The following CLTC variants were observed in gnomAD, a reference collection of about 807,000 sequenced individuals.
CLTC encodes clathrin heavy chain 1.
CLTC carries 16 observed loss-of-function variants against 195.8 expected under a neutral mutation model. The observed-to-expected ratio is 0.08, with a 90% confidence interval of 0.06 to 0.12. The LOEUF is 0.12. CLTC is among the 10% of genes least tolerant of loss of function. The pLI, the probability that CLTC is intolerant of heterozygous loss-of-function variation, is 1.00. For missense variants in CLTC, 796 were observed against 2,027.0 expected, an observed-to-expected ratio of 0.39 and a Z score of 11.66; for synonymous variants, 667 against 689.4, an observed-to-expected ratio of 0.97 and a Z score of 0.51.
chr17:59,665,425 G>A (rs1174670122), intron 10 of CLTC, among the ~76,000 whole-genome samples: 1 of 152,088 alleles, frequency 6.6e-6, no homozygotes, highest in African/African-American at 2.4e-5. Flanking sequence ...AAAATACATG[G>A]GGATGATAAA....
intron 16 of CLTC, among the ~76,000 whole-genome samples, 180 bp from the exon 17 acceptor site, chr17:59,676,774 G>T (rs2032975282): frequency 6.6e-6 from 1 of 152,162 alleles, no homozygotes; most frequent in South Asian, 2.1e-4. Flanking sequence ...AGTGCACAAT[G>T]ATTGTGGCTG....
intron 1 of CLTC, among the ~76,000 whole-genome samples, chr17:59,621,997 TGTG>T (rs2031395421): frequency 6.6e-6 from 1 of 152,246 alleles, no homozygotes; most frequent in South Asian, 2.1e-4. Flanking sequence ...TACTAAATCT[TGTG>T]GTGGTTGGAG....
At chr17:59,680,858 C>CT in intron 18 of CLTC, 54 bp from the exon 19 acceptor site, 1 of 1,466,434 alleles carries the variant, frequency 6.8e-7, no homozygotes, top group Non-Finnish European at 9.1e-7. Flanking sequence ...CCAACTTACG[C>CT]TTTTTTAAAA....
chr17:59,679,987 C>T (rs1431482612), intron 18 of CLTC, among the ~76,000 whole-genome samples: 1 of 151,694 alleles, frequency 6.6e-6, no homozygotes. Context: ...GTGGAGGTTG[C>T]AGTAAGCCGA....
At chr17:59,691,326 A>T (rs938795557) in intron 31 of CLTC, among the ~76,000 whole-genome samples, 2 of 152,158 alleles carry the variant, frequency 1.3e-5, no homozygotes, top group African/African-American at 2.4e-5. Context: ...GAGGGAACAT[A>T]AAAATATGAC....
At chr17:59,621,133 CT>C (rs2031364108) in intron 1 of CLTC, among the ~76,000 whole-genome samples, 1 of 152,194 alleles carries the variant, frequency 6.6e-6, no homozygotes, top group Non-Finnish European at 1.5e-5. Context: ...CCCATGGTTC[CT>C]TATCCTGGAG....
intron 31 of CLTC, chr17:59,690,929 A>G (rs1349421937): frequency 4.8e-6 from 2 of 419,450 alleles, no homozygotes; most frequent in East Asian, 7.5e-5. Context: ...AAAAATAGTC[A>G]TTTAAAATCA....
In CLTC at chr17:59,693,761, G is replaced by C; in HGVS notation, c.4937G>C (p.Ser1646Thr). 6.2e-7 allele frequency: 1 copy of C among 1,613,840 alleles called. No homozygotes were observed. Among genetic ancestry groups the C allele is most frequent in the Non-Finnish European group, 8.5e-7 (1 of 1,179,842 alleles). Residue 1646 changes from serine to threonine, a missense_variant, in exon 32 of 32, where the codon AGT becomes ACT. Physicochemically the swap from Ser to Thr is moderately conservative, Grantham distance 58. Transcript: ENST00000269122. ...QPQLMLTAGPSVAVPPQAPFG... is the reference protein window; with the variant it reads ...QPQLMLTAGPTVAVPPQAPFG... ...CAGTTGATGCTGACAGCAGGACCCAGTGTTGCCGTCCCTCCCCAGGCACCT... is the reference window on the plus strand; with the variant it reads ...CAGTTGATGCTGACAGCAGGACCCACTGTTGCCGTCCCTCCCCAGGCACCT...
At chr17:59,659,635 A>G (rs2032562729) in intron 6 of CLTC, among the ~76,000 whole-genome samples, 1 of 151,342 alleles carries the variant, frequency 6.6e-6, no homozygotes, top group African/African-American at 2.4e-5. Context: ...TTTTTAGTAG[A>G]GGTGGGGTTT....
Position 59,681,193 on chromosome 17 carries a change from CTACCT to C in CLTC, c.3066-101_3066-97del. 1 of 1,451,542 alleles carries C rather than the reference CTACCT, an allele frequency of 6.9e-7. No homozygotes were observed. The highest frequency in any genetic ancestry group is 9.4e-7 in the Non-Finnish European group (1 of 1,067,356). The allele number at this position is 1,451,542 out of a possible 1,614,324, so 89.9% of individuals were successfully genotyped here. ...CTCTTCTAATATCCTCCCCCCTACC[CTACCT>C]CTTGAGACAAAAACCTCTCCGTTAG... On this transcript the variant is annotated intron_variant, in intron 19 of 31. Coordinates refer to ENST00000269122, the MANE Select transcript of CLTC (RefSeq NM_004859.4). This position sits in a 1 kb window ranked among gnomAD's most constrained non-coding sequence, Gnocchi z 5.0.
chr17:59,680,870 CA>C (rs1258017665), intron 18 of CLTC, 41 bp from the exon 19 acceptor site: 5 of 1,481,572 alleles, frequency 3.4e-6, no homozygotes, highest in South Asian at 1.5e-5. Context: ...TTTTTAAAAC[CA>C]ACTTGATTCT....
Position 59,682,466 on chromosome 17 carries a change from G to T in CLTC, c.3600+38G>T. 1 of 1,611,436 alleles carries T rather than the reference G, an allele frequency of 6.2e-7. No homozygotes were observed. Among genetic ancestry groups the T allele is most frequent in the Non-Finnish European group, 8.5e-7 (1 of 1,178,172 alleles). ...TTCAGATTTAAGAAAAACTAGTTGG[G>T]CTACTTGATTAGCTTGGTAGGATCA... On this transcript the variant is annotated intron_variant, in intron 22 of 31. Transcript: ENST00000269122. This position sits in a 1 kb window ranked among gnomAD's most constrained non-coding sequence, Gnocchi z 6.8.
intron 5 of CLTC, among the ~76,000 whole-genome samples, chr17:59,652,453 A>G (rs1040691440): frequency 1.9e-4 from 29 of 152,376 alleles, no homozygotes; most frequent in African/African-American, 6.5e-4. Context: ...TATTTCTTAA[A>G]TAAGAAGACT....
chr17:59,627,900 T>C (rs941883964), intron 1 of CLTC, among the ~76,000 whole-genome samples: 3 of 152,244 alleles, frequency 2.0e-5, no homozygotes, highest in Non-Finnish European at 2.9e-5. Context: ...TGTAAATTCA[T>C]GTTTTTGTGT....
intron 1 of CLTC, among the ~76,000 whole-genome samples, chr17:59,631,749 T>C (rs1270731916): frequency 3.3e-5 from 5 of 151,942 alleles, no homozygotes; most frequent in Non-Finnish European, 5.9e-5. Flanking sequence ...AGTAGGTGGA[T>C]TGCTTCAACC....
At chr17:59,621,546 A>G (rs1176946661) in intron 1 of CLTC, among the ~76,000 whole-genome samples, 1 of 152,240 alleles carries the variant, frequency 6.6e-6, no homozygotes, top group Non-Finnish European at 1.5e-5. Context: ...TTTCTTTGCA[A>G]GTATTACCAT....
At chr17:59,626,228 A>G (rs1229647783) in intron 1 of CLTC, among the ~76,000 whole-genome samples, 4 of 152,212 alleles carry the variant, frequency 2.6e-5, no homozygotes, top group African/African-American at 7.2e-5. Flanking sequence ...TGTTATTCCA[A>G]CCATTGATGT....
rs2032246954 is a variant in CLTC, at chr17:59,648,349, C to G, written c.629C>G (p.Ala210Gly). The G allele has an allele frequency of 6.2e-7, 1 of 1,614,058 alleles. No homozygotes were observed. ...GCACAGTTTAAGATGGAAGGAAATG[C>G]AGAAGAATCAACGTTATTTTGTTTT... ...SFAQFKMEGN[A>G]EESTLFCFAV... Residue 210 changes from alanine to glycine, a missense_variant, in exon 4 of 32, where the codon GCA (alanine) becomes GGA (glycine). Physicochemically the swap from Ala to Gly is moderately conservative, Grantham distance 60. Around this residue, in one of 9 missense-constraint regions of CLTC, gnomAD observed 293 missense variants for 795.6 expected, o/e 0.37. Coordinates refer to ENST00000269122, the MANE Select transcript of CLTC (RefSeq NM_004859.4). The surrounding 1 kb of genome is among the most constrained non-coding windows in gnomAD (Gnocchi z 4.5).
intron 1 of CLTC, among the ~76,000 whole-genome samples, chr17:59,629,279 C>T (rs1290471682): frequency 6.6e-6 from 1 of 152,046 alleles, no homozygotes; most frequent in Non-Finnish European, 1.5e-5. Flanking sequence ...TTATTAAAAG[C>T]CTTACTGAAT....
Sources: allele counts gnomAD v4.1 joint callset (sites outside exome capture counted in the v4.1 genomes callset), GRCh38; gene constraint gnomAD v4.1.1; regional missense constraint gnomAD v4.1.1; non-coding constraint Gnocchi (gnomAD v3.1); transcripts MANE v1.5; gene names NCBI Gene and HGNC (gene_info 2026-07-23, HGNC 2026-07-21).